The following EPSTI1 variants were observed in gnomAD, a reference collection of about 807,000 sequenced individuals.
EPSTI1 encodes the protein epithelial-stromal interaction protein 1.
Under a neutral mutation model 49.9 loss-of-function variants are expected in EPSTI1, and 66 were observed. The ratio of observed to expected loss-of-function variants is 1.32; its 90% CI spans 1.08 to 1.62. The LOEUF is 1.62. Among genes scored for constraint, EPSTI1 ranks in the 40% most tolerant of loss-of-function variants. The pLI, the probability that EPSTI1 is intolerant of heterozygous loss-of-function variation, is 0.00. For synonymous variants in EPSTI1, 137 were observed against 130.7 expected (o/e 1.05, Z -0.33); for missense variants, 394 against 365.5 (o/e 1.08, Z -0.64).
At chr13:42,897,046 G>A (rs1464843236) in intron 9 of EPSTI1, among the ~76,000 whole-genome samples, 2 of 150,814 alleles carry the variant, frequency 1.3e-5, no homozygotes, top group Non-Finnish European at 2.9e-5. Context: ...TTTGCAGTGA[G>A]TGGAGATGAT....
chr13:42,986,330 C>T lies in EPSTI1; in HGVS notation c.188+5648G>A, dbSNP rs950900326. 3.3e-5 allele frequency among the ~76,000 whole-genome samples: 5 copies of T among 152,224 alleles called. No individual in the cohort carries two copies. In the South Asian group the frequency reaches 8.3e-4, roughly 25 times the overall value. On this transcript the variant is annotated intron_variant, in intron 1 of 10. Coordinates refer to ENST00000313624, the MANE Select transcript of EPSTI1 (RefSeq NM_033255.5). The stretch of plus-strand genomic sequence containing the variant: ...TTCCTGGGACAGAGCTCCCCAAACC[C>T]TTGGGATTCCCAGAGTGCTAAGTGT...
At chr13:42,924,943 T>C (rs1211842107) in intron 7 of EPSTI1, among the ~76,000 whole-genome samples, 2 of 152,160 alleles carry the variant, frequency 1.3e-5, no homozygotes, top group African/African-American at 4.8e-5. Context: ...AACAACTCAT[T>C]TAGCTACCCA....
At chr13:42,935,823 C>T (rs939730818) in intron 6 of EPSTI1, among the ~76,000 whole-genome samples, 4 of 152,094 alleles carry the variant, frequency 2.6e-5, no homozygotes, top group African/African-American at 9.7e-5. Context: ...AGACTCCTGA[C>T]CTCAGTGATC....
intron 6 of EPSTI1, chr13:42,934,503 T>C (rs969356159): frequency 6.6e-6 from 1 of 152,482 alleles, no homozygotes; most frequent in African/African-American, 2.4e-5. Flanking sequence ...GATTTGGTGG[T>C]ATTGTTGGAT....
chr13:42,942,328 A>C (rs1220431011), intron 6 of EPSTI1, among the ~76,000 whole-genome samples: 1 of 152,152 alleles, frequency 6.6e-6, no homozygotes, highest in East Asian at 1.9e-4. Flanking sequence ...TATTGGACTT[A>C]ATATTTTGCT....
intron 8 of EPSTI1, among the ~76,000 whole-genome samples, chr13:42,915,069 T>C (rs1013075239): frequency 6.6e-6 from 1 of 152,226 alleles, no homozygotes; most frequent in Non-Finnish European, 1.5e-5. Context: ...AATTATTCCA[T>C]AGTAGGTATC....
intron 8 of EPSTI1, among the ~76,000 whole-genome samples, chr13:42,916,480 A>G (rs1180109074): frequency 6.6e-6 from 1 of 152,230 alleles, no homozygotes; most frequent in Non-Finnish European, 1.5e-5. Context: ...TGGGAAGAAG[A>G]TAGCACTCAA....
chr13:42,947,062 A>G (rs2038937901), intron 6 of EPSTI1, among the ~76,000 whole-genome samples: 1 of 152,200 alleles, frequency 6.6e-6, no homozygotes. Context: ...GTAAGGGACA[A>G]TAGTTACTCT....
intron 5 of EPSTI1, among the ~76,000 whole-genome samples, chr13:42,959,004 T>C (rs1271741859): frequency 6.6e-6 from 1 of 152,198 alleles, no homozygotes; most frequent in African/African-American, 2.4e-5. Flanking sequence ...AAGAGGTTGA[T>C]ATAATAGATT....
At chr13:42,979,771 T>A (rs1594759960) in intron 1 of EPSTI1, among the ~76,000 whole-genome samples, 1 of 152,316 alleles carries the variant, frequency 6.6e-6, no homozygotes, top group African/African-American at 2.4e-5. Context: ...CATCCCTAAA[T>A]ATTTTAGCAT....
chr13:42,911,242 AGAGT>A (rs944674603), intron 8 of EPSTI1, among the ~76,000 whole-genome samples: 3 of 122,070 alleles, frequency 2.5e-5, no homozygotes, highest in African/African-American at 9.2e-5. Context: ...GGAGAGAGAG[AGAGT>A]GTGTGTGTGT....
intron 8 of EPSTI1, among the ~76,000 whole-genome samples, chr13:42,909,808 TTGG>T (rs1013287402): frequency 1.3e-5 from 2 of 152,040 alleles, no homozygotes; most frequent in African/African-American, 4.8e-5. Flanking sequence ...CAGGGAGATA[TTGG>T]TCAAAGGATA....
intron 8 of EPSTI1, 24 bp downstream of exon 8, chr13:42,917,517 T>A: frequency 1.9e-6 from 3 of 1,589,744 alleles, no homozygotes; most frequent in Non-Finnish European, 1.7e-6. Context: ...CAGTTAGCAA[T>A]AACTAGTAGG....
At position 42,916,397 on chromosome 13, in the gene EPSTI1, C is replaced by T. The variant is rs576936642; in HGVS notation, c.741+1144G>A. Among the ~76,000 whole-genome samples, 309 of 152,098 alleles carry T rather than the reference C, an allele frequency of 2.0e-3. 1 individual carries two copies. The highest frequency in any genetic ancestry group is 7.3e-3 in the African/African-American group (302 of 41,498). On this transcript the variant is annotated intron_variant, in intron 8 of 10. Transcript: ENST00000313624. ...ATGATTTAATGACAACCTATGGTGC[C>T]CAAAACAGCCTAGGGACACATTTAT...
Position 42,964,156 on chromosome 13 carries a change from C to T in EPSTI1, c.332-17G>A. 1 of 1,604,034 alleles carries T rather than the reference C, an allele frequency of 6.2e-7. No individual in the cohort carries two copies. Among genetic ancestry groups the T allele is most frequent in the Non-Finnish European group, 8.5e-7 (1 of 1,173,010 alleles). ...GGCTTCCACCTTAGGAAAAAAAAAT[C>T]CATGAAGGTGAAACATAAATATTAA... is the stretch of plus-strand genomic sequence containing the variant. On this transcript the variant is annotated splice_polypyrimidine_tract_variant and intron_variant, in intron 3 of 10. Coordinates refer to ENST00000313624, the MANE Select transcript of EPSTI1 (RefSeq NM_033255.5).
Position 42,888,227 on chromosome 13 carries a change from C to G in EPSTI1, c.*267G>C. ...ACTCCCTCTTTTTCTACCCTACCAACATCACTCTAATTATACTTCCAATTA... is the reference window on the plus strand; with the variant it reads ...ACTCCCTCTTTTTCTACCCTACCAAGATCACTCTAATTATACTTCCAATTA... On this transcript the variant is annotated 3_prime_UTR_variant, in exon 11 of 11. Coordinates refer to ENST00000313624, the MANE Select transcript of EPSTI1 (RefSeq NM_033255.5). 1 of 1,611,720 alleles carries G rather than the reference C, an allele frequency of 6.2e-7. No individual in the cohort carries two copies. Among genetic ancestry groups the G allele is most frequent in the South Asian group, 1.1e-5 (1 of 90,862 alleles).
chr13:42,985,535 A>G (rs2040061838), intron 1 of EPSTI1, among the ~76,000 whole-genome samples: 2 of 152,186 alleles, frequency 1.3e-5, no homozygotes, highest in African/African-American at 4.8e-5. Context: ...TGAGTCTGAC[A>G]ACTTTCATTC....
intron 2 of EPSTI1, 159 bp downstream of exon 2, chr13:42,970,453 A>C: frequency 1.9e-6 from 1 of 525,888 alleles, no homozygotes; most frequent in Non-Finnish European, 3.2e-6. Flanking sequence ...TTAATAGTAG[A>C]ATATTTTTAA....
rs147944683 is a variant in EPSTI1 at position 42,899,753 on chromosome 13, C to T, written c.815+557G>A. On this transcript the variant is annotated intron_variant, in intron 9 of 10. Coordinates refer to ENST00000313624, the MANE Select transcript of EPSTI1 (RefSeq NM_033255.5). The stretch of plus-strand genomic sequence containing the variant: ...ATGGTGCTTATTAGCACTGTCCCAA[C>T]AGTAACATGATATTTTACTAGGTAT... Among the ~76,000 whole-genome samples the T allele has an allele frequency of 3.2e-4, 49 of 152,278 alleles. 2 individuals carry two copies. The highest frequency in any genetic ancestry group is 1.1e-3 in the African/African-American group (47 of 41,568).
Sources: allele counts gnomAD v4.1 joint callset (sites outside exome capture counted in the v4.1 genomes callset), GRCh38; gene constraint gnomAD v4.1.1; transcripts MANE v1.5; gene names NCBI Gene and HGNC (gene_info 2026-07-23, HGNC 2026-07-21).